Variants in UBC observed in about 807,000 individuals in gnomAD.
The protein encoded by UBC is polyubiquitin-C.
A neutral mutation model predicts 34.7 loss-of-function variants in UBC; 8 were observed. The observed-to-expected ratio is 0.23, with a 90% CI of 0.14 to 0.42. The LOEUF (loss-of-function observed/expected upper bound fraction) is 0.42, where lower values mean the gene tolerates loss of function less well. Ranked by LOEUF, UBC falls within the 10% of genes least tolerant of loss-of-function variation. The pLI, the probability that UBC is intolerant of heterozygous loss-of-function variation, is 1.00. For synonymous variants in UBC, 367 were observed against 299.8 expected (o/e 1.22, Z -2.32); for missense variants, 323 against 750.3 (o/e 0.43, Z 6.65).
Position 124,913,515 on chromosome 12 carries a change from C to T in UBC, c.257G>A (p.Gly86Asp). The change falls in exon 2 of 2, where the codon GGC (glycine) becomes GAC (aspartate). Residue 86 changes from glycine (G) to aspartate (D), a missense_variant. Coordinates refer to ENST00000339647, the MANE Select transcript of UBC (RefSeq NM_021009.7). ...GMQIFVKTLT[G>D]KTITLEVEPS... ...CTCGACCTCAAGGGTGATGGTCTTG[C>T]CAGTGAGTGTCTTCACGAAGATTTG... 1 of 1,611,090 alleles carries T rather than the reference C, an allele frequency of 6.2e-7. No individual in the cohort carries two copies. The highest frequency in any genetic ancestry group is 8.5e-7 in the Non-Finnish European group (1 of 1,178,976).
intron 1 of UBC, chr12:124,914,140 G>T: frequency 3.7e-6 from 1 of 268,458 alleles, no homozygotes; most frequent in Non-Finnish European, 7.2e-6. Flanking sequence ...AACGGGTGAC[G>T]TCACGACACG....
Position 124,911,726 on chromosome 12 carries a change from C to T in UBC, c.2046G>A (p.Arg682=), listed in dbSNP as rs778703163. ...TAAAAGGGGAAACTTAGACACCCCC[C>T]CTCAAGCGCAGGACCAAGTGCAGAG... The part of the protein sequence containing the change: ...ESTLHLVLRL[R]GGV The change falls in exon 2 of 2, where the codon AGG becomes AGA. Residue 682 remains arginine, a synonymous_variant. Coordinates refer to ENST00000339647, the MANE Select transcript of UBC (RefSeq NM_021009.7). 10 of 1,613,720 alleles carry T rather than the reference C, an allele frequency of 6.2e-6. No individual in the cohort carries two copies. The highest frequency in any genetic ancestry group is 1.6e-4 in the Middle Eastern group (1 of 6,078).
chr12:124,911,725 C>T lies in UBC; in HGVS notation c.2047G>A (p.Gly683Arg). The change falls in exon 2 of 2, where the codon GGG becomes AGG. Residue 683 changes from glycine to arginine, a missense_variant. Coordinates refer to ENST00000339647, the MANE Select transcript of UBC (RefSeq NM_021009.7). ...STLHLVLRLR[G>R]GV Reference sequence around the variant, plus strand: ...TTAAAAGGGGAAACTTAGACACCCCCCCTCAAGCGCAGGACCAAGTGCAGA... The same window carrying T: ...TTAAAAGGGGAAACTTAGACACCCCTCCTCAAGCGCAGGACCAAGTGCAGA... 1 of 1,613,836 alleles carries T rather than the reference C, an allele frequency of 6.2e-7. No individual in the cohort carries two copies.
At position 124,912,575 on chromosome 12, in the gene UBC, C is replaced by T. The variant is rs748448734; in HGVS notation, c.1197G>A (p.Pro399=). ...TGKTITLEVE[P]SDTIENVKAK... ...CCTTGACATTCTCAATGGTGTCACT[C>T]GGCTCCACCTCGAGAGTGATGGTCT... The change falls in exon 2 of 2, where the codon CCG becomes CCA. Residue 399 remains proline (P), a synonymous_variant. Transcript: ENST00000339647. 9 of 1,584,978 alleles carry T rather than the reference C, an allele frequency of 5.7e-6. No individual in the cohort carries two copies. The highest frequency in any genetic ancestry group is 5.6e-5 in the South Asian group (5 of 89,512).
chr12:124,911,865 G>C lies in UBC; in HGVS notation c.1907C>G (p.Ala636Gly). The change falls in exon 2 of 2, where the codon GCA (alanine) becomes GGA (glycine). Residue 636 changes from alanine to glycine, a missense_variant. Around this residue, in one of 5 missense-constraint regions of UBC, gnomAD observed 49 missense variants for 112.6 expected, o/e 0.44. Transcript: ENST00000339647. ...GATGCCTTCCTTATCTTGGATCTTT[G>C]CCTTGACATTCTCGATGGTGTCACT... ...EPSDTIENVK[A>G]KIQDKEGIPP... 6.2e-7 allele frequency: 1 copy of C among 1,610,730 alleles called. No individual in the cohort carries two copies. The highest frequency in any genetic ancestry group is 2.2e-5 in the East Asian group (1 of 44,742).
chr12:124,914,299 C>G (rs117852293), intron 1 of UBC: 1 of 170,174 alleles, frequency 5.9e-6, no homozygotes, highest in African/African-American at 2.4e-5. Context: ...CCATCTCACC[C>G]GAATAAGAGC....
rs782704466 is a variant in UBC at position 124,913,226 on chromosome 12, G to A, written c.546C>T (p.Ile182=). Residue 182 remains isoleucine, a synonymous_variant, in exon 2 of 2, where the codon ATC becomes ATT. Transcript: ENST00000339647. ...CAGGAGGAATGCCTTCCTTATCTTG[G>A]ATCTTTGCCTTGACATTCTCGATGG... is the stretch of plus-strand genomic sequence containing the variant. The part of the protein sequence containing the change: ...SDTIENVKAK[I]QDKEGIPPDQ... 4 of 1,611,490 alleles carry A rather than the reference G, an allele frequency of 2.5e-6. No homozygotes were observed. Among genetic ancestry groups the A allele is most frequent in the Non-Finnish European group, 3.4e-6 (4 of 1,178,662 alleles).
Position 124,911,651 on chromosome 12 carries a change from A to G in UBC, c.*63T>C. 6.9e-7 allele frequency: 1 copy of G among 1,447,384 alleles called. No individual in the cohort carries two copies. Among genetic ancestry groups the G allele is most frequent in the Non-Finnish European group, 9.4e-7 (1 of 1,059,538 alleles). 89.7% of individuals were successfully genotyped at this position (1,447,384 alleles called of 1,614,324 possible). ...AAAAAAAAAAAAAACACCAATTGGG[A>G]ATGCAACAACTTTATTGAAAGGAAA... On this transcript the variant is annotated 3_prime_UTR_variant, in exon 2 of 2. Coordinates refer to ENST00000339647, the MANE Select transcript of UBC (RefSeq NM_021009.7).
At position 124,911,864 on chromosome 12, in the gene UBC, T is replaced by TGC. The variant is rs747216544; in HGVS notation, c.1906_1907dup (p.Lys637GlnfsTer16). On this transcript the variant is annotated frameshift_variant, in exon 2 of 2. Coordinates refer to ENST00000339647, the MANE Select transcript of UBC (RefSeq NM_021009.7). LOFTEE classifies it high-confidence loss of function. ...GGATGCCTTCCTTATCTTGGATCTT[T>TGC]GCCTTGACATTCTCGATGGTGTCAC... The TGC allele has an allele frequency of 5.0e-6, 8 of 1,610,610 alleles. No homozygotes were observed. The South Asian group carries it at 8.8e-5, about 18-fold the overall frequency.
Position 124,913,643 on chromosome 12 carries a change from C to A in UBC, c.129G>T (p.Leu43=). 6.2e-7 allele frequency: 1 copy of A among 1,613,704 alleles called. No individual in the cohort carries two copies. Among genetic ancestry groups the A allele is most frequent in the South Asian group, 1.1e-5 (1 of 91,024 alleles). ...CTTCCAGCTGTTTTCCAGCAAAGAT[C>A]AGCCTCTGCTGGTCAGGAGGGATGC... ...KEGIPPDQQR[L]IFAGKQLEDG... The change falls in exon 2 of 2, where the codon CTG becomes CTT. Residue 43 remains leucine (L), a synonymous_variant. Transcript: ENST00000339647.
chr12:124,914,043 T>G lies in UBC; in HGVS notation c.-3-269A>C, dbSNP rs1258921574. 1.2e-5 allele frequency: 6 copies of G among 515,448 alleles called. No individual in the cohort carries two copies. In the East Asian group the frequency reaches 2.3e-4, roughly 20 times the overall value. 31.9% of individuals were successfully genotyped at this position (515,448 alleles called of 1,614,324 possible). A position where few individuals can be genotyped will look rare whatever the true frequency, so the allele number is the denominator to read the frequency against. On this transcript the variant is annotated intron_variant, in intron 1 of 1. Coordinates refer to ENST00000339647, the MANE Select transcript of UBC (RefSeq NM_021009.7). ...CCTGTCGATTCAGGAGAGCCTACCC[T>G]AGGCCCGAACCCTGCGTCCTGCGAC... is the stretch of plus-strand genomic sequence containing the variant.
intron 1 of UBC, chr12:124,914,068 C>G (rs945317069): frequency 1.9e-4 from 82 of 439,828 alleles, no homozygotes; most frequent in Non-Finnish European, 1.6e-4. Context: ...CGTCCTGCGA[C>G]GGAGAAAAGC....
rs1322047581 is a variant in UBC, at chr12:124,914,024, G to T, written c.-3-250C>A. 5.3e-5 allele frequency: 30 copies of T among 570,720 alleles called. No homozygotes were observed. The South Asian group carries it at 6.1e-4, about 12-fold the overall frequency. 35.4% of individuals were successfully genotyped at this position (570,720 alleles called of 1,614,324 possible). A position where few individuals can be genotyped will look rare whatever the true frequency, so the allele number is the denominator to read the frequency against. On this transcript the variant is annotated intron_variant, in intron 1 of 1. Coordinates refer to ENST00000339647, the MANE Select transcript of UBC (RefSeq NM_021009.7). ...CCTCACCAGAGGTCCGGCGCCTGTCGATTCAGGAGAGCCTACCCTAGGCCC... is the reference window on the plus strand; with the variant it reads ...CCTCACCAGAGGTCCGGCGCCTGTCTATTCAGGAGAGCCTACCCTAGGCCC...
intron 1 of UBC, chr12:124,914,102 G>A (rs1953572948): frequency 8.2e-6 from 3 of 367,014 alleles, no homozygotes; most frequent in Non-Finnish European, 1.5e-5. Flanking sequence ...ACCGGCAGGT[G>A]GCCCCACCCT....
Position 124,911,685 on chromosome 12 carries a change from A to G in UBC, c.*29T>C. ...ACTTTATTGAAAGGAAAGTGCAATGAAATTTGTTGAAACCTTAAAAGGGGA... is the reference window on the plus strand; with the variant it reads ...ACTTTATTGAAAGGAAAGTGCAATGGAATTTGTTGAAACCTTAAAAGGGGA... On this transcript the variant is annotated 3_prime_UTR_variant, in exon 2 of 2. Coordinates refer to ENST00000339647, the MANE Select transcript of UBC (RefSeq NM_021009.7). 1 of 1,606,136 alleles carries G rather than the reference A, an allele frequency of 6.2e-7. No individual in the cohort carries two copies. Among genetic ancestry groups the G allele is most frequent in the Non-Finnish European group, 8.5e-7 (1 of 1,175,296 alleles).
At chr12:124,913,949 G>A (rs906312096) in intron 1 of UBC, 175 bp from the exon 2 acceptor site, 48 of 1,002,680 alleles carry the variant, frequency 4.8e-5, no homozygotes, top group East Asian at 1.5e-4. Flanking sequence ...TACTTAAGAA[G>A]ATAGGTACAT....
chr12:124,913,789 A>C lies in UBC; in HGVS notation c.-3-15T>G. 6.2e-7 allele frequency: 1 copy of C among 1,613,078 alleles called. No homozygotes were observed. The highest frequency in any genetic ancestry group is 8.5e-7 in the Non-Finnish European group (1 of 1,179,528). On this transcript the variant is annotated splice_polypyrimidine_tract_variant and intron_variant, in intron 1 of 1. Transcript: ENST00000339647. ...ATCTGCATTGTCTAACAAAAAAGCC[A>C]AAAACGGCCAGAATTTAGCGGACAA...
rs17840837 is a variant in UBC at position 124,911,903 on chromosome 12, G to A, written c.1869C>T (p.Leu623=). The A allele has an allele frequency of 1.2e-5, 19 of 1,609,450 alleles. No homozygotes were observed. In the East Asian group the frequency reaches 1.8e-4, roughly 15 times the overall value. ...VKTLTGKTIT[L]EVEPSDTIEN... is the part of the protein sequence containing the mutation. Reference sequence around the variant, plus strand: ...CGATGGTGTCACTGGGCTCCACCTCGAGGGTGATGGTCTTACCAGTCAGGG... The same window carrying A: ...CGATGGTGTCACTGGGCTCCACCTCAAGGGTGATGGTCTTACCAGTCAGGG... Residue 623 remains leucine (L), a synonymous_variant, in exon 2 of 2, where the codon CTC becomes CTT. Transcript: ENST00000339647.
intron 1 of UBC, chr12:124,914,078 C>G: frequency 2.3e-6 from 1 of 425,566 alleles, no homozygotes. Flanking sequence ...CGGAGAAAAG[C>G]CTACCGCACA....
Sources: gnomAD v4.1 joint callset for allele counts on GRCh38, gnomAD v4.1.1 for gene constraint, gnomAD v4.1.1 regional missense constraint, MANE v1.5 for transcripts, NCBI Gene and HGNC (gene_info 2026-07-23, HGNC 2026-07-21) for gene names.